Variants in NBAS observed in about 807,000 individuals in gnomAD.
The protein encoded by NBAS is NBAS subunit of NRZ tethering complex.
NBAS carries 219 observed loss-of-function variants against 302.5 expected under a neutral mutation model. The observed-to-expected ratio is 0.72, with a 90% CI of 0.65 to 0.81. The LOEUF (loss-of-function observed/expected upper bound fraction) is 0.81. NBAS is among the 30% of genes least tolerant of loss of function. The pLI, the probability that NBAS is intolerant of heterozygous loss-of-function variation, is 0.00. For synonymous variants in NBAS, 1,118 were observed against 1,021.6 expected (o/e 1.09, Z -1.80); for missense variants, 2,932 against 2,841.6 (o/e 1.03, Z -0.72).
intron 48 of NBAS, among the ~76,000 whole-genome samples, chr2:15,213,191 A>G (rs770756948): frequency 5.3e-5 from 8 of 152,214 alleles, no homozygotes; most frequent in Non-Finnish European, 1.0e-4. Flanking sequence ...AAAAAGTCCA[A>G]ACATTTTACT....
chr2:15,503,589 A>T (rs567975247), intron 11 of NBAS, among the ~76,000 whole-genome samples: 4 of 152,338 alleles, frequency 2.6e-5, no homozygotes, highest in South Asian at 2.1e-4. Flanking sequence ...TCACAGAGGC[A>T]GTTCCTAAGT....
chr2:15,240,275 C>T (rs1407341167), intron 44 of NBAS, among the ~76,000 whole-genome samples: 2 of 151,944 alleles, frequency 1.3e-5, no homozygotes, highest in Non-Finnish European at 2.9e-5. Flanking sequence ...CCCCCAGACC[C>T]TTCCTTTCCT....
chr2:14,859,973 A>G, the NBAS span, among the ~76,000 whole-genome samples: 1 of 152,122 alleles, frequency 6.6e-6, no homozygotes, highest in Non-Finnish European at 1.5e-5. Context: ...AGGAGCTCAC[A>G]TAACTCAATA....
At chr2:14,790,846 T>C in the NBAS span, among the ~76,000 whole-genome samples, 136 of 150,266 alleles carry the variant, frequency 9.1e-4, no homozygotes, top group Non-Finnish European at 3.2e-4. Flanking sequence ...TATGTGTGTT[T>C]TGTTTTGTTT....
At chr2:14,967,524 G>GC in the NBAS span, among the ~76,000 whole-genome samples, 1 of 152,138 alleles carries the variant, frequency 6.6e-6, no homozygotes, top group Non-Finnish European at 1.5e-5. Context: ...AGGTACAAGA[G>GC]CACCTCAGTA....
intron 38 of NBAS, among the ~76,000 whole-genome samples, chr2:15,323,345 T>C (rs921504144): frequency 1.3e-5 from 2 of 152,160 alleles, no homozygotes; most frequent in African/African-American, 4.8e-5. Flanking sequence ...GTAGATGTGG[T>C]ACTCAGAGTT....
intron 9 of NBAS, among the ~76,000 whole-genome samples, chr2:15,529,046 T>C (rs1663091256): frequency 6.6e-6 from 1 of 151,760 alleles, no homozygotes; most frequent in Non-Finnish European, 1.5e-5. Flanking sequence ...AAGAGAGTCA[T>C]GGAAAGCAGG....
At chr2:14,949,609 GTGTCCATGAATGAA>G in the NBAS span, among the ~76,000 whole-genome samples, 1 of 152,056 alleles carries the variant, frequency 6.6e-6, no homozygotes, top group Non-Finnish European at 1.5e-5. Flanking sequence ...ATCAACCTAA[GTGTCCATGAATGAA>G]TGAACGGATA....
chr2:15,065,941 A>C, the NBAS span, among the ~76,000 whole-genome samples: 1 of 152,170 alleles, frequency 6.6e-6, no homozygotes, highest in African/African-American at 2.4e-5. Context: ...CAATCAAAGA[A>C]GAACAAAGTT....
the NBAS span, among the ~76,000 whole-genome samples, chr2:14,811,158 A>G: frequency 6.6e-6 from 1 of 152,172 alleles, no homozygotes; most frequent in Non-Finnish European, 1.5e-5. Context: ...CTATAATCCC[A>G]ACACTTTGGG....
intron 51 of NBAS, among the ~76,000 whole-genome samples, chr2:15,170,673 A>G (rs1004610006): frequency 1.3e-5 from 2 of 152,206 alleles, no homozygotes; most frequent in Non-Finnish European, 2.9e-5. Flanking sequence ...TGGCCAGAGT[A>G]TACTTTAAGA....
the NBAS span, among the ~76,000 whole-genome samples, chr2:14,891,175 G>C: frequency 1.3e-5 from 2 of 152,140 alleles, no homozygotes; most frequent in African/African-American, 2.4e-5. Flanking sequence ...AACAGTACCA[G>C]CCGGTGGGCA....
intron 3 of NBAS, among the ~76,000 whole-genome samples, chr2:15,556,381 T>C (rs1353645872): frequency 1.3e-5 from 2 of 152,164 alleles, no homozygotes; most frequent in East Asian, 3.8e-4. Flanking sequence ...AATTAAAAAA[T>C]ATACAAGAAC....
chr2:14,964,876 G>A, the NBAS span, among the ~76,000 whole-genome samples: 1 of 152,076 alleles, frequency 6.6e-6, no homozygotes, highest in East Asian at 1.9e-4. Flanking sequence ...AATTAGCAAC[G>A]GAAGAATCTC....
chr2:15,402,643 T>C (rs187150699), intron 25 of NBAS, among the ~76,000 whole-genome samples: 1 of 152,342 alleles, frequency 6.6e-6, no homozygotes, highest in Non-Finnish European at 1.5e-5. Context: ...CCAAATTCTA[T>C]GTGTTTCAGT....
Position 15,402,200 on chromosome 2 carries a change from G to T in NBAS, c.3039C>A (p.Asp1013Glu), listed in dbSNP as rs142176915. The change falls in exon 26 of 52, where the codon GAC (aspartate) becomes GAA (glutamate). Residue 1013 changes from aspartate to glutamate, a missense_variant. By Grantham distance (45) the Asp-to-Glu change is conservative. Coordinates refer to ENST00000281513, the MANE Select transcript of NBAS (RefSeq NM_015909.4). Reference protein sequence around the residue: ...ERNDQLCLCYDLLECLPERGY... With the variant: ...ERNDQLCLCYELLECLPERGY... ...CTCTTTCTGGCAGACATTCTAGTAG[G>T]TCATAGCAAAGACAGAGTTGATCAT... 1.3e-4 allele frequency: 206 copies of T among 1,613,548 alleles called. 1 individual carries two copies. The African/African-American group carries it at 2.3e-3, about 18-fold the overall frequency.
the NBAS span, among the ~76,000 whole-genome samples, chr2:15,110,443 T>C: frequency 6.6e-6 from 1 of 152,302 alleles, no homozygotes; most frequent in South Asian, 2.1e-4. Context: ...GGGAGTAGCA[T>C]ATGTAAAGTG....
At chr2:15,309,311 G>A (rs1319533151) in intron 38 of NBAS, 64 bp from the exon 39 acceptor site, 1 of 1,376,726 alleles carries the variant, frequency 7.3e-7, no homozygotes, top group African/African-American at 1.4e-5. Flanking sequence ...GTTATTAAAT[G>A]CCATGTTTTC....
At chr2:14,946,328 G>A in the NBAS span, among the ~76,000 whole-genome samples, 1 of 151,998 alleles carries the variant, frequency 6.6e-6, no homozygotes, top group African/African-American at 2.4e-5. Flanking sequence ...TCCTAAAAGC[G>A]GCAAGGGAAA....
Sources: allele counts gnomAD v4.1 joint callset (sites outside exome capture counted in the v4.1 genomes callset), GRCh38; gene constraint gnomAD v4.1.1; transcripts MANE v1.5; gene names NCBI Gene and HGNC (gene_info 2026-07-23, HGNC 2026-07-21).